SH2B2: variants seen among roughly 807,000 people sequenced by gnomAD.
SH2B2 encodes the protein SH2B adaptor protein 2.
SH2B2 carries 37 observed loss-of-function variants against 35.7 expected under a neutral mutation model. That is an observed-to-expected ratio of 1.04 (90% CI 0.80 to 1.36). The LOEUF is 1.36. Among genes scored for constraint, SH2B2 ranks in the 40% most tolerant of loss-of-function variants. The pLI is 0.00. For synonymous variants in SH2B2, 383 were observed against 376.4 expected (o/e 1.02, Z -0.20); for missense variants, 852 against 817.7 (o/e 1.04, Z -0.51).
At chr7:102,295,278 A>G (rs1554552365) in intron 1 of SH2B2, among the ~76,000 whole-genome samples, 1 of 152,164 alleles carries the variant, frequency 6.6e-6, no homozygotes, top group East Asian at 1.9e-4. Flanking sequence ...CTGCCAAGTC[A>G]CTGGCTCTGA....
intron 6 of SH2B2, 188 bp from the exon 7 acceptor site, chr7:102,316,999 G>A (rs1428511978): frequency 4.4e-5 from 24 of 542,384 alleles, no homozygotes; most frequent in African/African-American, 3.1e-4. Context: ...TCCAGCCTGG[G>A]CGACAAGAGC....
upstream of SH2B2, among the ~76,000 whole-genome samples, chr7:102,286,289 G>A (rs1792443485): frequency 6.6e-6 from 1 of 152,140 alleles, no homozygotes; most frequent in African/African-American, 2.4e-5. Context: ...GGGGCGTGGT[G>A]GCGCCCTCGA....
rs541041569 is a variant in SH2B2, at chr7:102,293,913, G to A, written c.-29-6609G>A. ...GGCACCAACTCAGCTGGTCTGTTTG[G>A]ACACCTTGGGACCATAGGAGGAGAG... is the stretch of plus-strand genomic sequence containing the variant. On this transcript the variant is annotated intron_variant, in intron 1 of 8. Transcript: ENST00000444095. 8.0e-4 allele frequency among the ~76,000 whole-genome samples: 122 copies of A among 152,202 alleles called. 5 individuals carry two copies. The South Asian group carries it at 0.025, about 31-fold the overall frequency.
At chr7:102,308,544 C>G (rs533714978) in intron 3 of SH2B2, among the ~76,000 whole-genome samples, 1 of 152,350 alleles carries the variant, frequency 6.6e-6, no homozygotes, top group African/African-American at 2.4e-5. Flanking sequence ...GAGGCTGTGT[C>G]TCTAAGGCAG....
chr7:102,307,768 G>GT (rs1193290849), intron 3 of SH2B2, among the ~76,000 whole-genome samples: 2,266 of 142,622 alleles, frequency 0.016, 18 homozygotes, highest in African/African-American at 0.025. Flanking sequence ...CATTTTTTTT[G>GT]TTTTTTTTTT....
chr7:102,298,998 G>A (rs544031418), intron 1 of SH2B2, among the ~76,000 whole-genome samples: 5 of 134,534 alleles, frequency 3.7e-5, no homozygotes, highest in African/African-American at 1.4e-4. Flanking sequence ...TCGGCTCACT[G>A]CAAGCTCCGC....
At chr7:102,316,951 A>G (rs1793854140) in intron 6 of SH2B2, among the ~76,000 whole-genome samples, 3 of 152,002 alleles carry the variant, frequency 2.0e-5, no homozygotes, top group Admixed American at 6.6e-5. Flanking sequence ...CCCGGAAGGC[A>G]GAGGTTACAG....
At chr7:102,290,231 C>G (rs988905363) in intron 1 of SH2B2, among the ~76,000 whole-genome samples, 4 of 118,094 alleles carry the variant, frequency 3.4e-5, no homozygotes, top group Non-Finnish European at 6.8e-5. Context: ...GAACTTGGCT[C>G]CATACCCCCC....
chr7:102,315,187 T>C (rs1207077774), intron 6 of SH2B2, among the ~76,000 whole-genome samples: 3 of 142,522 alleles, frequency 2.1e-5, no homozygotes, highest in African/African-American at 7.9e-5. Flanking sequence ...AGACTATGTC[T>C]CAAAAAAAAA....
intron 1 of SH2B2, among the ~76,000 whole-genome samples, chr7:102,287,658 C>T (rs1177570386): frequency 1.3e-5 from 2 of 152,154 alleles, no homozygotes; most frequent in African/African-American, 2.4e-5. Context: ...TGGAGGGTGC[C>T]CAAGAGGCCG....
At chr7:102,295,455 C>T (rs1245571747) in intron 1 of SH2B2, among the ~76,000 whole-genome samples, 1 of 152,208 alleles carries the variant, frequency 6.6e-6, no homozygotes, top group African/African-American at 2.4e-5. Flanking sequence ...ATGGCCTGGG[C>T]CTGGGCTCGT....
chr7:102,320,549 C>T lies in SH2B2; in HGVS notation c.1567+47C>T, dbSNP rs962523258. 20 of 1,582,842 alleles carry T rather than the reference C, an allele frequency of 1.3e-5. No homozygotes were observed. The Middle Eastern group carries it at 5.0e-4, about 39-fold the overall frequency. On this transcript the variant is annotated intron_variant, in intron 8 of 8. Coordinates refer to ENST00000444095, the MANE Select transcript of SH2B2 (RefSeq NM_001359228.2). ...GGTGTGATTACTCAAGAAGACTTCC[C>T]GTTGATTACTCAAGAAGGTGGTCCC...
intron 1 of SH2B2, among the ~76,000 whole-genome samples, chr7:102,294,745 G>A (rs1792833964): frequency 6.6e-6 from 1 of 152,192 alleles, no homozygotes. Flanking sequence ...AGAGAACCAT[G>A]TCCGGGCCTC....
rs945971391 is a variant in SH2B2 at position 102,297,402 on chromosome 7, C to A, written c.-29-3120C>A. ...GAGTGAGATCCCATCTCTACACACA[C>A]ACACACACACACACACACACACACA... On this transcript the variant is annotated intron_variant, in intron 1 of 8. Transcript: ENST00000444095. This position sits in a 1 kb window ranked among gnomAD's most constrained non-coding sequence, Gnocchi z 4.3. Among the ~76,000 whole-genome samples, 3 of 151,068 alleles carry A rather than the reference C, an allele frequency of 2.0e-5. No individual in the cohort carries two copies. The East Asian group carries it at 5.8e-4, about 29-fold the overall frequency.
Position 102,303,395 on chromosome 7 carries a change from A to T in SH2B2, c.729+2116A>T, listed in dbSNP as rs373995258. 2.0e-4 allele frequency among the ~76,000 whole-genome samples: 30 copies of T among 152,048 alleles called. 1 individual carries two copies. In the East Asian group the frequency reaches 2.7e-3, roughly 14 times the overall value. ...CGGGGACCCCACACCCACCTCCCGC[A>T]TCAGGGCCCACTCTGTCCCTGGGTG... On this transcript the variant is annotated intron_variant, in intron 2 of 8. Transcript: ENST00000444095.
intron 1 of SH2B2, among the ~76,000 whole-genome samples, chr7:102,299,572 A>C (rs1381384620): frequency 6.6e-6 from 1 of 152,052 alleles, no homozygotes; most frequent in Non-Finnish European, 1.5e-5. Flanking sequence ...GATCCCGGGG[A>C]CCATAAAGCA....
chr7:102,306,290 T>C (rs912760068), intron 2 of SH2B2, among the ~76,000 whole-genome samples: 3 of 152,048 alleles, frequency 2.0e-5, no homozygotes, highest in African/African-American at 7.2e-5. Context: ...GGTTTCTCCA[T>C]GTTGGTCAGG....
At chr7:102,291,298 G>A (rs1586563554) in intron 1 of SH2B2, among the ~76,000 whole-genome samples, 1 of 152,228 alleles carries the variant, frequency 6.6e-6, no homozygotes. Context: ...GGTGGCAAAG[G>A]CTGAGCGTGG....
rs782323572 is a variant in SH2B2 at position 102,317,268 on chromosome 7, C to T, written c.1268C>T (p.Ser423Phe). The change falls in exon 7 of 9, where the codon TCC becomes TTC. Residue 423 changes from serine (S) to phenylalanine (F), a missense_variant. Around this residue, in one of 3 missense-constraint regions of SH2B2, gnomAD observed 556 missense variants for 514.5 expected, o/e 1.08. Coordinates refer to ENST00000444095, the MANE Select transcript of SH2B2 (RefSeq NM_001359228.2). ...SDYPWFHGTL[S>F]RVKAAQLVLA... ...TACCCATGGTTCCACGGGACACTGT[C>T]CCGGGTCAAGGCTGCTCAACTGGTT... 1 of 1,613,736 alleles carries T rather than the reference C, an allele frequency of 6.2e-7. No homozygotes were observed. The highest frequency in any genetic ancestry group is 8.5e-7 in the Non-Finnish European group (1 of 1,179,760).
Sources: gnomAD v4.1 joint callset for allele counts (sites outside exome capture counted in the v4.1 genomes callset) on GRCh38, gnomAD v4.1.1 for gene constraint, gnomAD v4.1.1 regional missense constraint, Gnocchi (gnomAD v3.1) non-coding constraint, MANE v1.5 for transcripts, NCBI Gene and HGNC (gene_info 2026-07-23, HGNC 2026-07-21) for gene names.